The following ASIC2 variants were observed in gnomAD, a reference collection of about 807,000 sequenced individuals.
ASIC2 encodes the protein acid sensing ion channel subunit 2, also known as acid-sensing ion channel 2.
Under a neutral mutation model 57.3 loss-of-function variants are expected in ASIC2, and 25 were observed. That is an observed-to-expected ratio of 0.44 (90% CI 0.32 to 0.61). The LOEUF is 0.61. Among genes scored for constraint, ASIC2 ranks in the 20% least tolerant of loss-of-function variants. The pLI is 0.06. For synonymous variants in ASIC2, 319 were observed against 307.5 expected (o/e 1.04, Z -0.39); for missense variants, 641 against 738.1 (o/e 0.87, Z 1.52).
intron 1 of ASIC2, among the ~76,000 whole-genome samples, chr17:33,843,317 C>T (rs903753378): frequency 6.6e-6 from 1 of 152,040 alleles, no homozygotes; most frequent in Non-Finnish European, 1.5e-5. Flanking sequence ...ACTCCATCAC[C>T]GTTTGAAAGG....
In ASIC2 at chr17:33,094,747, T is replaced by C. The variant is rs370013455; in HGVS notation, c.860-5757A>G. ...GTTGAAAACTGCCTGCTTATAGATT[T>C]TGTCCCCTAGTCCTAGCTCCGCCCC... On this transcript the variant is annotated intron_variant, in intron 2 of 9. Transcript: ENST00000225823. 2.6e-5 allele frequency among the ~76,000 whole-genome samples: 4 copies of C among 152,276 alleles called. No individual in the cohort carries two copies. The East Asian group carries it at 7.7e-4, about 29-fold the overall frequency.
At chr17:33,234,075 T>C (rs1038468060) in intron 1 of ASIC2, among the ~76,000 whole-genome samples, 2 of 152,240 alleles carry the variant, frequency 1.3e-5, no homozygotes, top group Non-Finnish European at 2.9e-5. Context: ...CCCTGTCTTC[T>C]TCTCTAAGGC....
intron 1 of ASIC2, among the ~76,000 whole-genome samples, chr17:34,034,795 C>A (rs1295499503): frequency 2.0e-5 from 3 of 152,024 alleles, no homozygotes; most frequent in Non-Finnish European, 4.4e-5. Flanking sequence ...CCTAGGAATC[C>A]AACTTATAAG....
rs557391499 is a variant in ASIC2, at chr17:33,525,791, G to A, written c.556-413724C>T. ...GTATCAACATGGGTGGTGGCTGATG[G>A]TGGCCTATGACTCCTATCCATCCTT... On this transcript the variant is annotated intron_variant, in intron 1 of 9. Coordinates refer to the ASIC2 transcript ENST00000359872. Among the ~76,000 whole-genome samples the A allele has an allele frequency of 1.2e-4, 19 of 152,268 alleles. No homozygotes were observed. In the South Asian group the frequency reaches 3.5e-3, roughly 28 times the overall value.
At chr17:34,089,651 G>C (rs540536307) in intron 1 of ASIC2, among the ~76,000 whole-genome samples, 14 of 152,234 alleles carry the variant, frequency 9.2e-5, no homozygotes, top group Non-Finnish European at 1.6e-4. Flanking sequence ...CTTGGCCCCA[G>C]GTCCCCAGGT....
rs1243635837 is a variant in ASIC2, at chr17:33,293,228, C to A, written c.-1113G>T. Among the ~76,000 whole-genome samples the A allele has an allele frequency of 6.6e-6, 1 of 152,058 alleles. No individual in the cohort carries two copies. The highest frequency in any genetic ancestry group is 1.9e-4 in the East Asian group (1 of 5,156). ...TTGGGCCCCAGGCGAACTTGGGCAG[C>A]GGCCGCGCGACGCTGGCGCGGCTGG... On this transcript the variant is annotated 5_prime_UTR_variant, in exon 1 of 10. Coordinates refer to ENST00000225823, the MANE Select transcript of ASIC2 (RefSeq NM_183377.2).
intron 1 of ASIC2, among the ~76,000 whole-genome samples, chr17:33,700,845 G>T (rs1163206133): frequency 1.3e-5 from 2 of 152,152 alleles, no homozygotes; most frequent in Non-Finnish European, 2.9e-5. Context: ...TGGAGGTAAA[G>T]TCTCCTTGGT....
In ASIC2 at chr17:33,802,140, C is replaced by T. The variant is rs140406974; in HGVS notation, c.555+353838G>A. Among the ~76,000 whole-genome samples the T allele has an allele frequency of 7.3e-3, 1,106 of 152,314 alleles. 13 individuals are homozygous for T. The highest frequency in any genetic ancestry group is 0.025 in the African/African-American group (1,036 of 41,554). ...GACTGCATATACGACAGTGGTCCCA[C>T]AAGGCTGCAATGCCATATTTTTATT... On this transcript the variant is annotated intron_variant, in intron 1 of 9. Transcript: ENST00000359872.
chr17:33,953,060 CTTTA>C (rs1306035517), intron 1 of ASIC2, among the ~76,000 whole-genome samples: 4 of 151,738 alleles, frequency 2.6e-5, no homozygotes, highest in Non-Finnish European at 5.9e-5. Flanking sequence ...GGTTTCTAAC[CTTTA>C]TTTATGACAT....
chr17:33,837,851 A>G (rs1401059433), intron 1 of ASIC2, among the ~76,000 whole-genome samples: 1 of 151,918 alleles, frequency 6.6e-6, no homozygotes, highest in Non-Finnish European at 1.5e-5. Flanking sequence ...ACATCATCCA[A>G]ACTCTTCTAC....
At chr17:33,478,453 C>A (rs1913299579) in intron 1 of ASIC2, among the ~76,000 whole-genome samples, 1 of 152,236 alleles carries the variant, frequency 6.6e-6, no homozygotes, top group Non-Finnish European at 1.5e-5. Flanking sequence ...ATGTGCAAAC[C>A]ATTTCTGCCT....
chr17:33,603,855 A>G (rs543548165), intron 1 of ASIC2, among the ~76,000 whole-genome samples: 1 of 152,328 alleles, frequency 6.6e-6, no homozygotes, highest in East Asian at 1.9e-4. Flanking sequence ...TCAGGGCCCC[A>G]GGCTGATAAC....
intron 1 of ASIC2, among the ~76,000 whole-genome samples, chr17:33,997,524 G>A (rs1432419687): frequency 6.6e-6 from 1 of 151,856 alleles, no homozygotes; most frequent in Admixed American, 6.6e-5. Flanking sequence ...CTCATATATG[G>A]TGTTTATTGT....
chr17:33,132,692 A>G (rs2092352071), intron 1 of ASIC2, among the ~76,000 whole-genome samples: 1 of 152,236 alleles, frequency 6.6e-6, no homozygotes, highest in Admixed American at 6.5e-5. Flanking sequence ...TTTAATGAAA[A>G]GGCAGCTATT....
At chr17:33,408,994 G>A (rs1041528993) in intron 1 of ASIC2, among the ~76,000 whole-genome samples, 3 of 152,184 alleles carry the variant, frequency 2.0e-5, no homozygotes, top group East Asian at 1.9e-4. Context: ...TGGGTGGATC[G>A]TTTGAGCTCA....
chr17:33,271,724 C>T (rs1257503424), intron 1 of ASIC2, among the ~76,000 whole-genome samples: 1 of 152,236 alleles, frequency 6.6e-6, no homozygotes, highest in Admixed American at 6.5e-5. Context: ...TCAAGTATTG[C>T]ATCTGCTTCC....
intron 3 of ASIC2, among the ~76,000 whole-genome samples, chr17:33,068,145 G>C (rs1001032102): frequency 6.6e-6 from 1 of 152,078 alleles, no homozygotes; most frequent in South Asian, 2.1e-4. Flanking sequence ...ACTGGACCTG[G>C]GGGGGTGGAA....
intron 1 of ASIC2, among the ~76,000 whole-genome samples, chr17:33,869,302 A>G (rs1914327621): frequency 6.6e-6 from 1 of 152,170 alleles, no homozygotes; most frequent in Non-Finnish European, 1.5e-5. Flanking sequence ...ACCCTCATAC[A>G]CTGCTGGTGG....
At chr17:33,246,319 G>A (rs184803374) in intron 1 of ASIC2, among the ~76,000 whole-genome samples, 5 of 152,252 alleles carry the variant, frequency 3.3e-5, no homozygotes, top group Admixed American at 6.5e-5. Context: ...CAGAGAGGGC[G>A]CAGGCAGGGA....
Sources: allele counts gnomAD v4.1 joint callset (sites outside exome capture counted in the v4.1 genomes callset), GRCh38; gene constraint gnomAD v4.1.1; transcripts MANE v1.5; gene names NCBI Gene and HGNC (gene_info 2026-07-23, HGNC 2026-07-21).